The following MAP3K2 variants were observed in gnomAD, a reference collection of about 807,000 sequenced individuals.
MAP3K2 encodes the protein MAP/ERK kinase kinase 2.
MAP3K2 carries 24 observed loss-of-function variants against 80.3 expected under a neutral mutation model. The observed-to-expected ratio is 0.30, with a 90% CI of 0.22 to 0.42. The LOEUF (loss-of-function observed/expected upper bound fraction) is 0.42, where lower values mean the gene tolerates loss of function less well. MAP3K2 is among the 10% of genes least tolerant of loss of function. The pLI, the probability that MAP3K2 is intolerant of heterozygous loss-of-function variation, is 1.00. For synonymous variants in MAP3K2, 244 were observed against 253.7 expected, an observed-to-expected ratio of 0.96 and a Z score of 0.36; for missense variants, 608 against 750.1, an observed-to-expected ratio of 0.81 and a Z score of 2.21.
chr2:127,372,417 AT>A (rs1687081287), intron 1 of MAP3K2, among the ~76,000 whole-genome samples: 1 of 152,158 alleles, frequency 6.6e-6, no homozygotes, highest in African/African-American at 2.4e-5. Flanking sequence ...GGAAATAAGA[AT>A]TTTACTGGCT....
chr2:127,379,341 G>A (rs145298288), intron 1 of MAP3K2, among the ~76,000 whole-genome samples: 72 of 152,092 alleles, frequency 4.7e-4, no homozygotes, highest in African/African-American at 1.6e-3. Context: ...GCTAGGCACC[G>A]TCCTAAACAT....
intron 11 of MAP3K2, 27 bp downstream of exon 11, chr2:127,323,875 C>CAGA (rs1686076141): frequency 8.8e-7 from 1 of 1,130,992 alleles, no homozygotes; most frequent in African/African-American, 1.6e-5. Flanking sequence ...TTTAACTATT[C>CAGA]TTGTGGTCTA....
At chr2:127,360,673 A>T (rs999516292) in intron 1 of MAP3K2, among the ~76,000 whole-genome samples, 13 of 152,224 alleles carry the variant, frequency 8.5e-5, no homozygotes, top group African/African-American at 3.1e-4. Flanking sequence ...CCAATTTATG[A>T]ATCACACCAC....
chr2:127,353,206 A>G (rs1394558398), intron 1 of MAP3K2, among the ~76,000 whole-genome samples: 1 of 146,170 alleles, frequency 6.8e-6, no homozygotes, highest in Non-Finnish European at 1.5e-5. Flanking sequence ...CCCAGTCTGG[A>G]AAGTGAGGAG....
intron 1 of MAP3K2, among the ~76,000 whole-genome samples, chr2:127,378,792 G>T (rs1045078649): frequency 2.0e-5 from 3 of 151,844 alleles, no homozygotes; most frequent in African/African-American, 7.3e-5. Flanking sequence ...TTTGAGATGG[G>T]GTCTCACTCT....
chr2:127,387,853 T>G lies in MAP3K2; in HGVS notation c.-467A>C. On this transcript the variant is annotated 5_prime_UTR_variant, in exon 1 of 17. Coordinates refer to ENST00000682094, the MANE Select transcript of MAP3K2 (RefSeq NM_001371910.2). ...CAGGGGCGCCGAGCGTCCTGGTCGT[T>G]GTTTTCGTCGCCGCCGCGGGCCGTG... 1 of 984,626 alleles carries G rather than the reference T, an allele frequency of 1.0e-6. No individual in the cohort carries two copies. 61.0% of individuals were successfully genotyped at this position (984,626 alleles called of 1,614,324 possible). A position where few individuals can be genotyped will look rare whatever the true frequency, so the allele number is the denominator to read the frequency against.
rs1685867079 is a variant in MAP3K2, at chr2:127,314,664, A to G, written c.1456+90T>C. 2.9e-6 allele frequency: 3 copies of G among 1,019,566 alleles called. No individual in the cohort carries two copies. The Admixed American group carries it at 7.2e-5, about 24-fold the overall frequency. 63.2% of individuals were successfully genotyped at this position (1,019,566 alleles called of 1,614,324 possible). A position where few individuals can be genotyped will look rare whatever the true frequency, so the allele number is the denominator to read the frequency against. On this transcript the variant is annotated intron_variant, in intron 15 of 16. Coordinates refer to ENST00000682094, the MANE Select transcript of MAP3K2 (RefSeq NM_001371910.2). ...CCTGTAGTATTTCAGAGACAGATGA[A>G]TTAATGTTAAATGTCTTACCCACAT...
At chr2:127,378,657 G>C (rs1354437974) in intron 1 of MAP3K2, among the ~76,000 whole-genome samples, 2 of 152,118 alleles carry the variant, frequency 1.3e-5, no homozygotes. Context: ...GTTAAATCAG[G>C]TACAGGTGAA....
intron 1 of MAP3K2, among the ~76,000 whole-genome samples, chr2:127,367,838 A>G (rs1283355397): frequency 6.6e-6 from 1 of 152,224 alleles, no homozygotes; most frequent in Non-Finnish European, 1.5e-5. Flanking sequence ...AAAGCCAGTC[A>G]AACTTTACAG....
chr2:127,341,606 C>A (rs1231562206), intron 2 of MAP3K2, among the ~76,000 whole-genome samples: 1 of 143,530 alleles, frequency 7.0e-6, no homozygotes, highest in Non-Finnish European at 1.5e-5. Flanking sequence ...GATCTCGGCT[C>A]ACTACAAGAT....
At chr2:127,324,851 G>T (rs78635893) in intron 9 of MAP3K2, among the ~76,000 whole-genome samples, 1 of 152,256 alleles carries the variant, frequency 6.6e-6, no homozygotes, top group South Asian at 2.1e-4. Flanking sequence ...GAGACCAGGA[G>T]GGGGAGCACG....
At chr2:127,349,425 C>A (rs1686654500) in intron 1 of MAP3K2, among the ~76,000 whole-genome samples, 1 of 152,094 alleles carries the variant, frequency 6.6e-6, no homozygotes, top group African/African-American at 2.4e-5. Context: ...CTCGGCCTCT[C>A]AAAGTGTTGG....
At chr2:127,341,517 G>GC (rs74427580) in intron 2 of MAP3K2, among the ~76,000 whole-genome samples, 1 of 121,214 alleles carries the variant, frequency 8.2e-6, no homozygotes, top group East Asian at 2.4e-4. Flanking sequence ...AGTACAATGG[G>GC]TTTTTTTTTG....
intron 1 of MAP3K2, among the ~76,000 whole-genome samples, chr2:127,350,262 T>C (rs1260874978): frequency 6.6e-6 from 1 of 151,708 alleles, no homozygotes; most frequent in Non-Finnish European, 1.5e-5. Flanking sequence ...ATGGGACAAT[T>C]TGAGCATCAA....
At position 127,307,352 on chromosome 2, in the gene MAP3K2, TAA is replaced by T. The variant is rs76344573; in HGVS notation, c.*225_*226del. On this transcript the variant is annotated 3_prime_UTR_variant, in exon 17 of 17. Transcript: ENST00000682094. This position sits in a 1 kb window ranked among gnomAD's most constrained non-coding sequence, Gnocchi z 5.4. ...AACCACATCAGTACATTATAAAAATTAAAAAAAAAAACTTCAAGTTCTTGTAA... is the reference window on the plus strand; with the variant it reads ...AACCACATCAGTACATTATAAAAATTAAAAAAAAACTTCAAGTTCTTGTAA... 1 of 267,918 alleles carries T rather than the reference TAA, an allele frequency of 3.7e-6. No individual in the cohort carries two copies. The highest frequency in any genetic ancestry group is 6.8e-6 in the Non-Finnish European group (1 of 146,474). The allele number at this position is 267,918 out of a possible 1,614,324, so 16.6% of individuals were successfully genotyped here.
intron 1 of MAP3K2, among the ~76,000 whole-genome samples, chr2:127,381,146 C>A (rs1430908335): frequency 6.6e-6 from 1 of 152,136 alleles, no homozygotes; most frequent in Non-Finnish European, 1.5e-5. Flanking sequence ...AGGCATGCAC[C>A]ACACAGCCCA....
intron 1 of MAP3K2, among the ~76,000 whole-genome samples, chr2:127,366,268 C>T (rs1214498640): frequency 1.3e-5 from 2 of 151,864 alleles, no homozygotes; most frequent in African/African-American, 4.8e-5. Context: ...CCAGGGTTAG[C>T]CAGGTGTGGT....
rs35560058 is a variant in MAP3K2 at position 127,384,213 on chromosome 2, G to GATAT, written c.-66+3235_-66+3238dup. ...CCCGGCCAACAAATAATTTTTAATTGATATATATATATATATATATATTGC... is the reference window on the plus strand; with the variant it reads ...CCCGGCCAACAAATAATTTTTAATTGATATATATATATATATATATATATATTGC... On this transcript the variant is annotated intron_variant, in intron 1 of 16. Coordinates refer to ENST00000682094, the MANE Select transcript of MAP3K2 (RefSeq NM_001371910.2). 8.7e-3 allele frequency among the ~76,000 whole-genome samples: 1,254 copies of GATAT among 144,452 alleles called. 13 individuals carry two copies. The highest frequency in any genetic ancestry group is 0.024 in the African/African-American group (922 of 38,886). 94.8% of individuals were successfully genotyped at this position (144,452 alleles called of 152,430 possible).
chr2:127,360,768 CGT>C (rs1408094686), intron 1 of MAP3K2, among the ~76,000 whole-genome samples: 2 of 152,060 alleles, frequency 1.3e-5, no homozygotes, highest in Admixed American at 6.6e-5. Flanking sequence ...TTTGCCAGAC[CGT>C]AAATGAACTG....
Sources: allele counts gnomAD v4.1 joint callset (sites outside exome capture counted in the v4.1 genomes callset), GRCh38; gene constraint gnomAD v4.1.1; non-coding constraint Gnocchi (gnomAD v3.1); transcripts MANE v1.5; gene names NCBI Gene and HGNC (gene_info 2026-07-23, HGNC 2026-07-21).